The following OTOP1 variants were observed in gnomAD, a reference collection of about 807,000 sequenced individuals.
OTOP1 encodes otopetrin 1.
OTOP1 carries 59 observed loss-of-function variants against 52.9 expected under a neutral mutation model. The observed-to-expected ratio is 1.12, with a 90% CI of 0.91 to 1.39. The LOEUF (loss-of-function observed/expected upper bound fraction) is 1.39. Ranked by LOEUF, OTOP1 falls within the 40% of genes most tolerant of loss-of-function variation. The pLI, the probability that OTOP1 is intolerant of heterozygous loss-of-function variation, is 0.00. For missense variants in OTOP1, 761 were observed against 800.9 expected, an observed-to-expected ratio of 0.95 and a Z score of 0.60; for synonymous variants, 317 against 337.7, an observed-to-expected ratio of 0.94 and a Z score of 0.67.
At chr4:4,215,744 C>T (rs1033717641) in intron 1 of OTOP1, among the ~76,000 whole-genome samples, 102 of 152,256 alleles carry the variant, frequency 6.7e-4, no homozygotes, top group African/African-American at 2.2e-3. Flanking sequence ...ATTCTCTGAA[C>T]TGTCTTTGCA....
In OTOP1 at chr4:4,226,761, G is replaced by A. The variant is rs1717449864; in HGVS notation, c.104C>T (p.Ala35Val). 7.2e-7 allele frequency: 1 copy of A among 1,388,196 alleles called. No homozygotes were observed. The allele number at this position is 1,388,196 out of a possible 1,614,324, so 86.0% of individuals were successfully genotyped here. Residue 35 changes from alanine to valine, a missense_variant, in exon 1 of 6, where the codon GCC becomes GTC. Around this residue, in one of 3 missense-constraint regions of OTOP1, gnomAD observed 73 missense variants for 75.7 expected, o/e 0.96. Coordinates refer to ENST00000296358, the MANE Select transcript of OTOP1 (RefSeq NM_177998.3). The part of the protein sequence containing the change: ...PAACSPPSSS[A>V]PRSPESPAPR... ...GGCCGGGGATTCCGGGGACCTCGGG[G>A]CCGAGGACGAGGGAGGCGAGCAGGC...
rs183400692 is a variant in OTOP1, at chr4:4,218,674, T to C, written c.404-5670A>G. Reference sequence around the variant, plus strand: ...TGAGCACGGTGACTCACACCTATAATCCTGGCACTTTGGGAGGCCAAGATG... The same window carrying C: ...TGAGCACGGTGACTCACACCTATAACCCTGGCACTTTGGGAGGCCAAGATG... On this transcript the variant is annotated intron_variant, in intron 1 of 5. Transcript: ENST00000296358. Among the ~76,000 whole-genome samples, 235 of 152,230 alleles carry C rather than the reference T, an allele frequency of 1.5e-3. 2 individuals are homozygous for C. The highest frequency in any genetic ancestry group is 6.8e-3 in the Middle Eastern group (2 of 294).
intron 2 of OTOP1, among the ~76,000 whole-genome samples, chr4:4,210,736 C>A (rs762086873): frequency 2.6e-5 from 4 of 152,110 alleles, no homozygotes; most frequent in Non-Finnish European, 5.9e-5. Flanking sequence ...GAGACTGAGG[C>A]AGGAGAATTG....
At chr4:4,190,148 CT>C (rs1716471069) in intron 5 of OTOP1, among the ~76,000 whole-genome samples, 1 of 152,164 alleles carries the variant, frequency 6.6e-6, no homozygotes, top group Admixed American at 6.5e-5. Context: ...GGACCTGCGG[CT>C]GTGGATTGAA....
chr4:4,215,602 G>A (rs188538706), intron 1 of OTOP1, among the ~76,000 whole-genome samples: 25 of 152,182 alleles, frequency 1.6e-4, no homozygotes, highest in African/African-American at 6.0e-4. Flanking sequence ...GGAGGTTGCA[G>A]TGAGCCGAGA....
chr4:4,219,885 A>G (rs1175786963), intron 1 of OTOP1, among the ~76,000 whole-genome samples: 2 of 146,534 alleles, frequency 1.4e-5, no homozygotes, highest in South Asian at 4.2e-4. Context: ...ATGTATATAT[A>G]CACATATATG....
At chr4:4,199,229 T>TGA (rs1299646510) in intron 4 of OTOP1, among the ~76,000 whole-genome samples, 1 of 97,706 alleles carries the variant, frequency 1.0e-5, no homozygotes, top group African/African-American at 4.3e-5. Flanking sequence ...ATTGTGTGTG[T>TGA]GTGTGAGAGA....
At chr4:4,207,562 A>C (rs1298708266) in intron 2 of OTOP1, among the ~76,000 whole-genome samples, 1 of 150,222 alleles carries the variant, frequency 6.7e-6, no homozygotes, top group Non-Finnish European at 1.5e-5. Flanking sequence ...TTTTTTTTAG[A>C]ATTACCATAC....
Position 4,197,900 on chromosome 4 carries a change from TG to T in OTOP1, c.933del (p.Met312TrpfsTer8), listed in dbSNP as rs1560205861. On this transcript the variant is annotated frameshift_variant, in exon 5 of 6. Coordinates refer to ENST00000296358, the MANE Select transcript of OTOP1 (RefSeq NM_177998.3). LOFTEE classifies it high-confidence loss of function. ...HQKMQFKSDG[V>X]MVGAVLGLTV... is the part of the protein sequence containing the mutation. Reference sequence around the variant, plus strand: ...GTCAGGCCCAGGACTGCGCCCACCATGACCCCATCAGACTTGAACTGCATCT... The same window carrying T: ...GTCAGGCCCAGGACTGCGCCCACCATACCCCATCAGACTTGAACTGCATCT... The T allele has an allele frequency of 1.9e-6, 3 of 1,614,092 alleles. No individual in the cohort carries two copies. In the Admixed American group the frequency reaches 5.0e-5, roughly 27 times the overall value.
chr4:4,205,963 G>A (rs115174592), intron 3 of OTOP1, 109 bp downstream of exon 3: 46,091 of 924,402 alleles, frequency 0.05, 1,473 homozygotes, highest in South Asian at 0.11. Flanking sequence ...CAGGACTGAG[G>A]GGAGAGTTGG....
rs1716415372 is a variant in OTOP1, at chr4:4,188,794, G to A, written c.*9C>T. 1 of 1,607,252 alleles carries A rather than the reference G, an allele frequency of 6.2e-7. No homozygotes were observed. The highest frequency in any genetic ancestry group is 8.5e-7 in the Non-Finnish European group (1 of 1,176,732). On this transcript the variant is annotated 3_prime_UTR_variant, in exon 6 of 6. Coordinates refer to ENST00000296358, the MANE Select transcript of OTOP1 (RefSeq NM_177998.3). ...GTTAGCTCACTCCTAGGTCTCTTGTGGACCCAGACTATATCTTACAATAGA... is the reference window on the plus strand; with the variant it reads ...GTTAGCTCACTCCTAGGTCTCTTGTAGACCCAGACTATATCTTACAATAGA...
intron 1 of OTOP1, among the ~76,000 whole-genome samples, chr4:4,221,038 TTATTC>T (rs1371638773): frequency 7.8e-5 from 11 of 141,484 alleles, no homozygotes; most frequent in African/African-American, 2.1e-4. Flanking sequence ...ATATATTATT[TTATTC>T]TATTTTATTT....
In OTOP1 at chr4:4,206,114, C is replaced by T. The variant is rs751726341; in HGVS notation, c.557G>A (p.Gly186Glu). Residue 186 changes from glycine to glutamate, a missense_variant, in exon 3 of 6, where the codon GGG becomes GAG. By Grantham distance (98) the Gly-to-Glu change is moderately conservative. Around this residue, in one of 3 missense-constraint regions of OTOP1, gnomAD observed 632 missense variants for 619.5 expected, o/e 1.02. Transcript: ENST00000296358. The part of the protein sequence containing the change: ...HTLLQVYFLW[G>E]HAKDIIQSFK... ...AGACTGGATAATATCCTTTGCATGC[C>T]CCCAAAGAAAATATACCTAGATGGA... 6.8e-6 allele frequency: 11 copies of T among 1,606,996 alleles called. No individual in the cohort carries two copies. The highest frequency in any genetic ancestry group is 9.4e-6 in the Non-Finnish European group (11 of 1,173,966).
chr4:4,208,530 G>A (rs1716957144), intron 2 of OTOP1, among the ~76,000 whole-genome samples: 1 of 152,152 alleles, frequency 6.6e-6, no homozygotes, highest in Non-Finnish European at 1.5e-5. Flanking sequence ...GACACAAGAA[G>A]ACCAATACTG....
In OTOP1 at chr4:4,226,661, G is replaced by C. The variant is rs758193177; in HGVS notation, c.204C>G (p.Ile68Met). 3.8e-6 allele frequency: 6 copies of C among 1,587,566 alleles called. No individual in the cohort carries two copies. The highest frequency in any genetic ancestry group is 1.4e-5 in the African/African-American group (1 of 72,386). Reference protein sequence around the residue: ...AEMLSSQYGLIVFVAGLLLLL... With the variant: ...AEMLSSQYGLMVFVAGLLLLL... ...GCAGCAGCAGCCCCGCCACGAACACGATCAGCCCATACTGGCTGCTCAGCA... is the reference window on the plus strand; with the variant it reads ...GCAGCAGCAGCCCCGCCACGAACACCATCAGCCCATACTGGCTGCTCAGCA... Residue 68 changes from isoleucine (I) to methionine (M), a missense_variant, in exon 1 of 6, where the codon ATC becomes ATG. By Grantham distance (10) the Ile-to-Met change is conservative. Transcript: ENST00000296358.
intron 4 of OTOP1, among the ~76,000 whole-genome samples, chr4:4,200,655 G>A (rs1716763072): frequency 6.7e-6 from 1 of 148,928 alleles, no homozygotes; most frequent in African/African-American, 2.5e-5. Context: ...TTGGGCTCAA[G>A]TGATCCACCT....
intron 1 of OTOP1, among the ~76,000 whole-genome samples, chr4:4,225,016 A>G (rs1393478352): frequency 1.3e-5 from 2 of 152,218 alleles, no homozygotes; most frequent in Non-Finnish European, 2.9e-5. Context: ...TGCTGAAACC[A>G]GGGTTCAGGG....
At chr4:4,208,700 A>C (rs1043657414) in intron 2 of OTOP1, among the ~76,000 whole-genome samples, 104 of 152,166 alleles carry the variant, frequency 6.8e-4, no homozygotes, top group African/African-American at 2.5e-3. Context: ...GATTGGTTGT[A>C]CAACAAGTGA....
chr4:4,194,919 C>T (rs1344802661), intron 5 of OTOP1, among the ~76,000 whole-genome samples: 1 of 152,082 alleles, frequency 6.6e-6, no homozygotes, highest in Non-Finnish European at 1.5e-5. Context: ...CCTTTTTCTT[C>T]TCTCCATCCC....
Sources: allele counts gnomAD v4.1 joint callset (sites outside exome capture counted in the v4.1 genomes callset), GRCh38; gene constraint gnomAD v4.1.1; regional missense constraint gnomAD v4.1.1; transcripts MANE v1.5; gene names NCBI Gene and HGNC (gene_info 2026-07-23, HGNC 2026-07-21).